The following DSCAM variants were observed in gnomAD, a reference collection of about 807,000 sequenced individuals.
DSCAM encodes DS cell adhesion molecule, also known as cell adhesion molecule DSCAM.
DSCAM carries 47 observed loss-of-function variants against 217.7 expected under a neutral mutation model. The ratio of observed to expected loss-of-function variants is 0.22; its 90% CI spans 0.17 to 0.28. The LOEUF (loss-of-function observed/expected upper bound fraction) is 0.28, where lower values mean the gene tolerates loss of function less well. Among genes scored for constraint, DSCAM ranks in the 10% least tolerant of loss-of-function variants. The pLI is 1.00. For missense variants in DSCAM, 2,080 were observed against 2,618.3 expected (o/e 0.79, Z 4.49); for synonymous variants, 1,056 against 1,015.3 (o/e 1.04, Z -0.76).
intron 20 of DSCAM, among the ~76,000 whole-genome samples, chr21:40,114,112 C>G (rs1432262375): frequency 6.6e-6 from 1 of 150,584 alleles, no homozygotes; most frequent in East Asian, 2.0e-4. Flanking sequence ...CAAGTCAATC[C>G]TAAGCCAAAA....
intron 3 of DSCAM, among the ~76,000 whole-genome samples, chr21:40,638,125 G>C (rs908186390): frequency 6.6e-6 from 1 of 152,058 alleles, no homozygotes; most frequent in Non-Finnish European, 1.5e-5. Context: ...ATAACATACT[G>C]GAAGAAGAAA....
At chr21:40,247,764 A>G (rs2073246135) in intron 11 of DSCAM, among the ~76,000 whole-genome samples, 1 of 152,180 alleles carries the variant, frequency 6.6e-6, no homozygotes, top group Non-Finnish European at 1.5e-5. Context: ...CCCTCTTCTC[A>G]CAGTTCCACT....
At chr21:40,271,493 T>C (rs1312951647) in intron 11 of DSCAM, among the ~76,000 whole-genome samples, 1 of 152,210 alleles carries the variant, frequency 6.6e-6, no homozygotes, top group Non-Finnish European at 1.5e-5. Context: ...GGGGAGGATG[T>C]AATTTGGGCA....
chr21:40,562,202 A>C (rs1182923252), intron 3 of DSCAM, among the ~76,000 whole-genome samples: 1 of 152,140 alleles, frequency 6.6e-6, no homozygotes, highest in African/African-American at 2.4e-5. Context: ...GTGGGAGGTG[A>C]CTGGATCAAT....
intron 4 of DSCAM, among the ~76,000 whole-genome samples, chr21:40,366,505 G>A (rs771623562): frequency 1.3e-5 from 2 of 151,678 alleles, no homozygotes; most frequent in Non-Finnish European, 2.9e-5. Context: ...TTTTATTTCT[G>A]ATTTATACTG....
chr21:40,674,637 T>C (rs1444612406), intron 3 of DSCAM, among the ~76,000 whole-genome samples: 1 of 144,624 alleles, frequency 6.9e-6, no homozygotes, highest in Non-Finnish European at 1.5e-5. Flanking sequence ...TTTTTCTTTT[T>C]TTTTTTTTTT....
chr21:40,668,602 C>G (rs1244325886), intron 3 of DSCAM, among the ~76,000 whole-genome samples: 1 of 152,200 alleles, frequency 6.6e-6, no homozygotes, highest in East Asian at 1.9e-4. Flanking sequence ...TCCTAGGCCC[C>G]ACACCAAGCT....
In DSCAM at chr21:40,682,608, A is replaced by AG. The variant is rs71186960; in HGVS notation, c.508+10201_508+10202insC. Among the ~76,000 whole-genome samples, 178 of 87,980 alleles carry AG rather than the reference A, an allele frequency of 2.0e-3. 1 individual carries two copies. The highest frequency in any genetic ancestry group is 8.5e-3 in the African/African-American group (157 of 18,458). 57.7% of individuals were successfully genotyped at this position (87,980 alleles called of 152,430 possible). A position where few individuals can be genotyped will look rare whatever the true frequency, so the allele number is the denominator to read the frequency against. On this transcript the variant is annotated intron_variant, in intron 3 of 32. Coordinates refer to ENST00000400454, the MANE Select transcript of DSCAM (RefSeq NM_001389.5). ...GAAAGAGAGAGAGAAAGAGAGAAAG[A>AG]AAGAAAGAGAAAGAGAAAGAGAGAG...
chr21:40,757,674 GA>G (rs1392043925), intron 1 of DSCAM, among the ~76,000 whole-genome samples: 2 of 152,218 alleles, frequency 1.3e-5, no homozygotes, highest in African/African-American at 4.8e-5. Context: ...CATCCGATTT[GA>G]AGCCCAGACA....
At chr21:40,625,237 G>T (rs189768512) in intron 3 of DSCAM, among the ~76,000 whole-genome samples, 10 of 152,180 alleles carry the variant, frequency 6.6e-5, no homozygotes, top group Admixed American at 6.5e-5. Context: ...AAACCACAGA[G>T]ATATACATGG....
intron 1 of DSCAM, among the ~76,000 whole-genome samples, chr21:40,811,528 C>T (rs1483036557): frequency 6.6e-6 from 1 of 152,180 alleles, no homozygotes; most frequent in African/African-American, 2.4e-5. Context: ...TCAATGGGCG[C>T]ACGTGGAGTC....
intron 1 of DSCAM, among the ~76,000 whole-genome samples, chr21:40,731,839 C>T: frequency 6.7e-6 from 1 of 149,994 alleles, no homozygotes; most frequent in Admixed American, 6.7e-5. Flanking sequence ...AGTGATTCTC[C>T]TGCCTCAGCC....
intron 32 of DSCAM, among the ~76,000 whole-genome samples, chr21:40,038,983 C>T (rs2088686653): frequency 7.8e-6 from 1 of 128,596 alleles, no homozygotes; most frequent in Admixed American, 1.0e-4. Flanking sequence ...CACATGGACA[C>T]AGGAAGGGGA....
At chr21:40,057,873 C>CT (rs71186913) in intron 28 of DSCAM, among the ~76,000 whole-genome samples, 6,544 of 106,952 alleles carry the variant, frequency 0.061, 519 homozygotes, top group East Asian at 0.14. Flanking sequence ...TCACTGCAGT[C>CT]TTTTTTTTTT....
chr21:40,139,047 G>A (rs1198288396), intron 18 of DSCAM, among the ~76,000 whole-genome samples: 1 of 146,446 alleles, frequency 6.8e-6, no homozygotes, highest in Non-Finnish European at 1.5e-5. Flanking sequence ...TGTGTGTTGT[G>A]TGTGTGTGTA....
intron 21 of DSCAM, 126 bp downstream of exon 21, chr21:40,093,595 G>T: frequency 8.5e-7 from 1 of 1,174,876 alleles, no homozygotes; most frequent in Non-Finnish European, 1.2e-6. Flanking sequence ...CCTGTTTCTT[G>T]AGCTAAAATG....
intron 1 of DSCAM, among the ~76,000 whole-genome samples, chr21:40,709,395 G>T (rs1469243913): frequency 6.6e-6 from 1 of 152,142 alleles, no homozygotes; most frequent in Admixed American, 6.5e-5. Flanking sequence ...GAATGTGCAG[G>T]TTTGTCACAT....
intron 3 of DSCAM, among the ~76,000 whole-genome samples, chr21:40,622,456 C>G (rs1392207164): frequency 6.6e-6 from 1 of 152,140 alleles, no homozygotes; most frequent in East Asian, 1.9e-4. Flanking sequence ...TCCCTCCCCA[C>G]CGACACCATT....
chr21:40,250,242 G>T (rs985220469), intron 11 of DSCAM, among the ~76,000 whole-genome samples: 1 of 152,126 alleles, frequency 6.6e-6, no homozygotes, highest in Non-Finnish European at 1.5e-5. Flanking sequence ...CACTCTTCAT[G>T]TGGTCTGCGA....
Sources: allele counts gnomAD v4.1 joint callset (sites outside exome capture counted in the v4.1 genomes callset), GRCh38; gene constraint gnomAD v4.1.1; transcripts MANE v1.5; gene names NCBI Gene and HGNC (gene_info 2026-07-23, HGNC 2026-07-21).